The following PITPNC1 variants were observed in gnomAD, a reference collection of about 807,000 sequenced individuals.
The protein encoded by PITPNC1 is cytoplasmic phosphatidylinositol transfer protein 1.
PITPNC1 carries 18 observed loss-of-function variants against 44.7 expected under a neutral mutation model. The observed-to-expected ratio is 0.40, with a 90% CI of 0.28 to 0.60. The LOEUF (loss-of-function observed/expected upper bound fraction) is 0.60, where lower values mean the gene tolerates loss of function less well. Ranked by LOEUF, PITPNC1 falls within the 20% of genes least tolerant of loss-of-function variation. The pLI is 0.39. For missense variants in PITPNC1, 290 were observed against 418.4 expected, an observed-to-expected ratio of 0.69 and a Z score of 2.68; for synonymous variants, 141 against 149.6, an observed-to-expected ratio of 0.94 and a Z score of 0.42.
intron 6 of PITPNC1, among the ~76,000 whole-genome samples, chr17:67,657,014 T>G (rs2042276780): frequency 6.6e-6 from 1 of 152,030 alleles, no homozygotes; most frequent in African/African-American, 2.4e-5. Flanking sequence ...AGAAAGAAAA[T>G]GACTTCATAA....
intron 5 of PITPNC1, among the ~76,000 whole-genome samples, chr17:67,617,264 G>A (rs1268928511): frequency 6.6e-6 from 1 of 152,216 alleles, no homozygotes; most frequent in Non-Finnish European, 1.5e-5. Context: ...CCAGCACTTC[G>A]GGAGGCCGAG....
At chr17:67,545,241 G>A (rs1422400084) in intron 2 of PITPNC1, among the ~76,000 whole-genome samples, 1 of 152,114 alleles carries the variant, frequency 6.6e-6, no homozygotes, top group Non-Finnish European at 1.5e-5. Flanking sequence ...GAGCCCAAGG[G>A]TTCAGGGTTG....
rs1344598920 is a variant in PITPNC1, at chr17:67,412,469, T to C, written c.48+34267T>C. On this transcript the variant is annotated intron_variant, in intron 1 of 8. Transcript: ENST00000581322. ...CCCTGTAATTAGCCTCTTGATTGCC[T>C]GTGACCTTACCTTAAATAAGCCCTG... Among the ~76,000 whole-genome samples, 3 of 152,240 alleles carry C rather than the reference T, an allele frequency of 2.0e-5. No homozygotes were observed. In the East Asian group the frequency reaches 5.8e-4, roughly 29 times the overall value.
intron 1 of PITPNC1, among the ~76,000 whole-genome samples, chr17:67,402,909 T>C (rs529232137): frequency 1.8e-3 from 273 of 152,232 alleles, no homozygotes; most frequent in Non-Finnish European, 3.2e-3. Flanking sequence ...TCAAGTGATC[T>C]GCCCACCTTG....
At chr17:67,567,212 G>A (rs768704537) in intron 4 of PITPNC1, among the ~76,000 whole-genome samples, 2 of 152,144 alleles carry the variant, frequency 1.3e-5, no homozygotes, top group Non-Finnish European at 2.9e-5. Context: ...CAGGCCAGGC[G>A]CGGTGGCTCA....
chr17:67,664,580 G>A lies in PITPNC1; in HGVS notation c.463-4928G>A, dbSNP rs138948038. 6.9e-4 allele frequency among the ~76,000 whole-genome samples: 105 copies of A among 152,112 alleles called. 1 individual carries two copies. Among genetic ancestry groups the A allele is most frequent in the Middle Eastern group, 3.4e-3 (1 of 294 alleles). The stretch of plus-strand genomic sequence containing the variant: ...TTAGTAATGCTAAGCATTTTTTCAT[G>A]TTTCTCGGCGACCTGTATATCTTCT... On this transcript the variant is annotated intron_variant, in intron 6 of 8. Transcript: ENST00000581322.
At chr17:67,627,972 G>A (rs2041916240) in intron 5 of PITPNC1, among the ~76,000 whole-genome samples, 1 of 149,502 alleles carries the variant, frequency 6.7e-6, no homozygotes, top group Admixed American at 6.7e-5. Context: ...TGTCGCCCAG[G>A]CTGGAGTGCA....
At chr17:67,409,968 T>C (rs8074316) in intron 1 of PITPNC1, among the ~76,000 whole-genome samples, 1 of 152,214 alleles carries the variant, frequency 6.6e-6, no homozygotes, top group Non-Finnish European at 1.5e-5. Flanking sequence ...ACTATTGCTC[T>C]GAACTCACTT....
chr17:67,426,574 CAG>C (rs1013494211), intron 1 of PITPNC1, among the ~76,000 whole-genome samples: 4 of 148,272 alleles, frequency 2.7e-5, no homozygotes, highest in African/African-American at 5.0e-5. Flanking sequence ...CACATGGACA[CAG>C]GGAGGGGAAC....
intron 1 of PITPNC1, among the ~76,000 whole-genome samples, chr17:67,409,482 C>T (rs1199361586): frequency 6.6e-6 from 1 of 152,064 alleles, no homozygotes; most frequent in African/African-American, 2.4e-5. Flanking sequence ...TGTTCTTTTT[C>T]ACTCAACATT....
chr17:67,559,197 C>T (rs142605821), intron 4 of PITPNC1, among the ~76,000 whole-genome samples: 6 of 152,264 alleles, frequency 3.9e-5, no homozygotes, highest in African/African-American at 9.6e-5. Flanking sequence ...TGAGTCCCAG[C>T]CAAGGGGCAG....
intron 1 of PITPNC1, among the ~76,000 whole-genome samples, chr17:67,473,400 C>T (rs975380039): frequency 1.3e-5 from 2 of 151,940 alleles, no homozygotes; most frequent in Non-Finnish European, 2.9e-5. Context: ...ACAATCTCGG[C>T]TCACTGCAAG....
chr17:67,425,145 C>G (rs998624850), intron 1 of PITPNC1, among the ~76,000 whole-genome samples: 1 of 150,684 alleles, frequency 6.6e-6, no homozygotes, highest in Non-Finnish European at 1.5e-5. Flanking sequence ...TCTTTTCGGA[C>G]TCAGCCCGCC....
At chr17:67,413,656 A>G (rs1020986669) in intron 1 of PITPNC1, among the ~76,000 whole-genome samples, 6 of 152,122 alleles carry the variant, frequency 3.9e-5, no homozygotes, top group African/African-American at 1.4e-4. Flanking sequence ...GCTGGGTGAC[A>G]TGCTTCAACA....
intron 1 of PITPNC1, among the ~76,000 whole-genome samples, chr17:67,449,912 A>G (rs2039152636): frequency 6.6e-6 from 1 of 151,904 alleles, no homozygotes; most frequent in African/African-American, 2.4e-5. Flanking sequence ...CTGGTCTTGA[A>G]CTCTTGGCCT....
chr17:67,668,620 T>C (rs1012259733), intron 6 of PITPNC1, among the ~76,000 whole-genome samples: 3 of 151,938 alleles, frequency 2.0e-5, no homozygotes, highest in Non-Finnish European at 4.4e-5. Flanking sequence ...TCCCAGCACT[T>C]TGGGAGGCCG....
chr17:67,388,209 A>G (rs1012518343), intron 1 of PITPNC1, among the ~76,000 whole-genome samples: 7 of 152,150 alleles, frequency 4.6e-5, no homozygotes, highest in Non-Finnish European at 1.0e-4. Context: ...AAAATTTCTT[A>G]GTGATACCCC....
At chr17:67,688,819 C>T (rs1287489962) in intron 8 of PITPNC1, among the ~76,000 whole-genome samples, 2 of 152,206 alleles carry the variant, frequency 1.3e-5, no homozygotes, top group African/African-American at 4.8e-5. Context: ...CACCAGATGG[C>T]TAAAAGATGC....
intron 8 of PITPNC1, 93 bp downstream of exon 8, chr17:67,675,635 AC>A: frequency 1.2e-6 from 1 of 829,492 alleles, no homozygotes; most frequent in Non-Finnish European, 2.1e-6. Context: ...TAGAAGGACA[AC>A]AACAAAGGCA....
Sources: gnomAD v4.1 joint callset for allele counts (sites outside exome capture counted in the v4.1 genomes callset) on GRCh38, gnomAD v4.1.1 for gene constraint, MANE v1.5 for transcripts, NCBI Gene and HGNC (gene_info 2026-07-23, HGNC 2026-07-21) for gene names.